Variants in OXR1 observed in about 807,000 individuals in gnomAD.
OXR1 encodes the protein oxidation resistance 1, also known as oxidation resistance protein 1.
OXR1 carries 41 observed loss-of-function variants against 104.6 expected under a neutral mutation model. The observed-to-expected ratio is 0.39, with a 90% CI of 0.31 to 0.51. The LOEUF is 0.51. Among genes scored for constraint, OXR1 ranks in the 20% least tolerant of loss-of-function variants. The pLI is 0.77. For synonymous variants in OXR1, 348 were observed against 348.4 expected (o/e 1.00, Z 0.01); for missense variants, 955 against 1,031.9 (o/e 0.93, Z 1.02).
chr8:106,487,287 G>A (rs941828153), intron 2 of OXR1, among the ~76,000 whole-genome samples: 13 of 148,354 alleles, frequency 8.8e-5, no homozygotes, highest in African/African-American at 3.0e-4. Context: ...GCCTCCCAAA[G>A]TTCTGGGATT....
At chr8:106,525,453 T>A (rs1813591264) in intron 3 of OXR1, among the ~76,000 whole-genome samples, 1 of 152,234 alleles carries the variant, frequency 6.6e-6, no homozygotes, top group African/African-American at 2.4e-5. Flanking sequence ...ACCATAAGTA[T>A]ACAGCTAAAA....
rs762521311 is a variant in OXR1, at chr8:106,710,650, G to A, written c.1653G>A (p.Arg551=). The change falls in exon 10 of 17, where the codon AGG becomes AGA. Residue 551 remains arginine (R), a synonymous_variant. Coordinates refer to ENST00000517566, the MANE Select transcript of OXR1 (RefSeq NM_001198533.2). The part of the protein sequence containing the change: ...ESSALLKEKQ[R]HRLHKFLCLR... ...CTGCACTTTTAAAAGAAAAGCAAAG[G>A]CATCGATTACATAAGTTCTTGTGTC... The A allele has an allele frequency of 5.7e-6, 9 of 1,589,630 alleles. No homozygotes were observed. Among genetic ancestry groups the A allele is most frequent in the African/African-American group, 4.1e-5 (3 of 73,484 alleles).
At chr8:106,284,845 T>C (rs6995964) in intron 1 of OXR1, among the ~76,000 whole-genome samples, 9,105 of 152,276 alleles carry the variant, frequency 0.06, 596 homozygotes, top group African/African-American at 0.16. Context: ...TTCAGCTGTT[T>C]GCTTGCTATT....
chr8:106,585,491 C>A (rs994034556), intron 3 of OXR1, among the ~76,000 whole-genome samples: 2 of 152,096 alleles, frequency 1.3e-5, no homozygotes, highest in African/African-American at 4.8e-5. Context: ...TAAAATTTTA[C>A]ATTATTTCAT....
chr8:106,299,946 G>C (rs1054956187), intron 1 of OXR1, among the ~76,000 whole-genome samples: 1 of 152,200 alleles, frequency 6.6e-6, no homozygotes, highest in African/African-American at 2.4e-5. Flanking sequence ...CATAGTTACA[G>C]AGAAAGATTG....
At chr8:106,489,930 TCA>T (rs1157601878) in intron 2 of OXR1, among the ~76,000 whole-genome samples, 1 of 152,186 alleles carries the variant, frequency 6.6e-6, no homozygotes, top group Non-Finnish European at 1.5e-5. Flanking sequence ...TTGAAATAGT[TCA>T]GAGAGAATGA....
intron 1 of OXR1, among the ~76,000 whole-genome samples, chr8:106,351,145 A>G (rs539894844): frequency 1.4e-4 from 21 of 152,232 alleles, no homozygotes; most frequent in Non-Finnish European, 2.9e-4. Context: ...AAAATTGTAT[A>G]GAACTTAACA....
At chr8:106,526,790 C>G (rs759942073) in intron 3 of OXR1, among the ~76,000 whole-genome samples, 6 of 152,272 alleles carry the variant, frequency 3.9e-5, no homozygotes, top group Admixed American at 3.3e-4. Flanking sequence ...TGATGCGCCC[C>G]CCTCTGCCTC....
chr8:106,712,135 G>C (rs1831756959), intron 10 of OXR1, among the ~76,000 whole-genome samples: 1 of 152,048 alleles, frequency 6.6e-6, no homozygotes, highest in South Asian at 2.1e-4. Flanking sequence ...CAGTGAGACT[G>C]AAGAGAGTTT....
intron 3 of OXR1, among the ~76,000 whole-genome samples, chr8:106,540,720 C>A (rs1456578771): frequency 6.6e-6 from 1 of 152,162 alleles, no homozygotes. Context: ...GGAAGCCTCA[C>A]AATCATGGTG....
chr8:106,605,135 CAT>C (rs759084593), intron 3 of OXR1: 6 of 152,332 alleles, frequency 3.9e-5, no homozygotes, highest in African/African-American at 1.2e-4. Flanking sequence ...GTGCTGAAAA[CAT>C]GTGGCTGACA....
chr8:106,705,233 A>G (rs1831031826), intron 8 of OXR1, among the ~76,000 whole-genome samples: 1 of 152,214 alleles, frequency 6.6e-6, no homozygotes, highest in Non-Finnish European at 1.5e-5. Context: ...CTATAGATGC[A>G]GTATGAGTGC....
chr8:106,338,455 T>G (rs535629167), intron 1 of OXR1, among the ~76,000 whole-genome samples: 2 of 150,890 alleles, frequency 1.3e-5, no homozygotes, highest in Middle Eastern at 3.4e-3. Flanking sequence ...CCCAGCTACT[T>G]GGGAGGCTGA....
chr8:106,421,574 A>T (rs1157503907), intron 2 of OXR1, among the ~76,000 whole-genome samples: 1 of 152,152 alleles, frequency 6.6e-6, no homozygotes, highest in East Asian at 1.9e-4. Context: ...GGATTGCTTC[A>T]GTTGAGACAA....
At chr8:106,321,369 G>A (rs1322019684) in intron 1 of OXR1, among the ~76,000 whole-genome samples, 4 of 152,150 alleles carry the variant, frequency 2.6e-5, no homozygotes, top group Admixed American at 1.3e-4. Context: ...TTATGGTGAG[G>A]AGGGTCCTTG....
intron 1 of OXR1, among the ~76,000 whole-genome samples, chr8:106,292,202 G>A (rs576919944): frequency 4.6e-5 from 7 of 152,202 alleles, no homozygotes; most frequent in Non-Finnish European, 8.8e-5. Context: ...TATTCATAAT[G>A]GCCCCAAAGC....
At chr8:106,519,383 A>G (rs1813091413) in intron 3 of OXR1, among the ~76,000 whole-genome samples, 1 of 152,222 alleles carries the variant, frequency 6.6e-6, no homozygotes, top group African/African-American at 2.4e-5. Flanking sequence ...GGAAGTAAAT[A>G]TACATATACG....
At chr8:106,274,861 GC>G (rs1811972505) in intron 1 of OXR1, among the ~76,000 whole-genome samples, 1 of 152,184 alleles carries the variant, frequency 6.6e-6, no homozygotes, top group Non-Finnish European at 1.5e-5. Flanking sequence ...TTCAGTGTAA[GC>G]AACACTGGTA....
rs772215289 is a variant in OXR1 at position 106,739,424 on chromosome 8, T to G, written c.2038-34T>G. The G allele has an allele frequency of 6.9e-6, 11 of 1,585,680 alleles. No individual in the cohort carries two copies. In the South Asian group the frequency reaches 1.2e-4, roughly 18 times the overall value. ...CAATTTTGAAAGCATGTCACAAGTT[T>G]ACATTAATGCACTACCTCTATTTAC... On this transcript the variant is annotated intron_variant, in intron 12 of 16. Coordinates refer to ENST00000517566, the MANE Select transcript of OXR1 (RefSeq NM_001198533.2).
Sources: allele counts gnomAD v4.1 joint callset (sites outside exome capture counted in the v4.1 genomes callset), GRCh38; gene constraint gnomAD v4.1.1; transcripts MANE v1.5; gene names NCBI Gene and HGNC (gene_info 2026-07-23, HGNC 2026-07-21).